The following SEPTIN2 variants were observed in gnomAD, a reference collection of about 807,000 sequenced individuals.
SEPTIN2 encodes the protein septin 2.
Under a neutral mutation model 46.5 loss-of-function variants are expected in SEPTIN2, and 34 were observed. That is an observed-to-expected ratio of 0.73 (90% confidence interval 0.56 to 0.97). SEPTIN2 has a LOEUF of 0.97. Among genes scored for constraint, SEPTIN2 ranks in the 50% least tolerant of loss-of-function variants. The probability of loss-of-function intolerance (pLI) is 0.00; values close to 1 mark genes in which losing one functional copy is unlikely to be tolerated. For missense variants in SEPTIN2, 347 were observed against 448.4 expected, an observed-to-expected ratio of 0.77 and a Z score of 2.04; for synonymous variants, 175 against 153.4, an observed-to-expected ratio of 1.14 and a Z score of -1.04.
At position 241,352,005 on chromosome 2, in the gene SEPTIN2, G is replaced by A. The variant is rs1401867652; in HGVS notation, c.*68G>A. 1 of 152,642 alleles carries A rather than the reference G, an allele frequency of 6.6e-6. No individual in the cohort carries two copies. The highest frequency in any genetic ancestry group is 1.5e-5 in the Non-Finnish European group (1 of 68,050). 9.5% of individuals were successfully genotyped at this position (152,642 alleles called of 1,614,324 possible). A position where few individuals can be genotyped will look rare whatever the true frequency, so the allele number is the denominator to read the frequency against. ...GGATAAAAAAGAAAACATTCCAGAT[G>A]CATGATCCAGCTGTGTGTTTTCAAT... is the stretch of plus-strand genomic sequence containing the variant. On this transcript the variant is annotated 3_prime_UTR_variant, in exon 13 of 13. Transcript: ENST00000391971.
rs529526455 is a variant in SEPTIN2, at chr2:241,318,970, A to G, written c.-18+2988A>G. ...CTTGGCCTCCCAAAATGCTGGGATT[A>G]CAGGCATGAGCTACCGCACCCAGCC... is the stretch of plus-strand genomic sequence containing the variant. On this transcript the variant is annotated intron_variant, in intron 1 of 12. Transcript: ENST00000391971. Among the ~76,000 whole-genome samples, 4 of 152,344 alleles carry G rather than the reference A, an allele frequency of 2.6e-5. No homozygotes were observed. The East Asian group carries it at 5.8e-4, about 22-fold the overall frequency.
Position 241,316,348 on chromosome 2 carries a change from A to G in SEPTIN2, c.-18+366A>G, listed in dbSNP as rs1246941364. The G allele has an allele frequency of 7.7e-6, 4 of 521,574 alleles. No homozygotes were observed. The East Asian group carries it at 1.5e-4, about 20-fold the overall frequency. 32.3% of individuals were successfully genotyped at this position (521,574 alleles called of 1,614,324 possible). A position where few individuals can be genotyped will look rare whatever the true frequency, so the allele number is the denominator to read the frequency against. On this transcript the variant is annotated intron_variant, in intron 1 of 12. Transcript: ENST00000391971. ...GGTTTGGTGCTTGGAGGGAGGATAC[A>G]GGTTTAGGCCCGACAAACACTTAGA...
At chr2:241,329,767 T>A (rs1484144841) in intron 3 of SEPTIN2, among the ~76,000 whole-genome samples, 1 of 152,192 alleles carries the variant, frequency 6.6e-6, no homozygotes, top group East Asian at 1.9e-4. Flanking sequence ...TTGTCCTGAT[T>A]GGCTAGCAAC....
chr2:241,331,341 AGTT>A (rs1408046449), intron 3 of SEPTIN2, among the ~76,000 whole-genome samples: 2 of 152,216 alleles, frequency 1.3e-5, no homozygotes, highest in Non-Finnish European at 2.9e-5. Context: ...TAAAATCTAA[AGTT>A]GTTAAGATCT....
chr2:241,341,482 G>A (rs1459505814), intron 7 of SEPTIN2, among the ~76,000 whole-genome samples: 1 of 152,208 alleles, frequency 6.6e-6, no homozygotes, highest in Non-Finnish European at 1.5e-5. Flanking sequence ...GGTTAGCATG[G>A]ATGGATAGTA....
chr2:241,318,087 G>A (rs2076631430), intron 1 of SEPTIN2: 1 of 149,854 alleles, frequency 6.7e-6, no homozygotes, highest in African/African-American at 2.5e-5. Flanking sequence ...AATAAATTAT[G>A]AGAGAAAACA....
intron 2 of SEPTIN2, 38 bp downstream of exon 2, chr2:241,324,279 A>G (rs1281428083): frequency 6.4e-7 from 1 of 1,571,768 alleles, no homozygotes; most frequent in Non-Finnish European, 8.7e-7. Context: ...CATAAGGAGA[A>G]ATTGCTTTAT....
chr2:241,353,927 A>G lies in SEPTIN2; in HGVS notation c.*1990A>G, dbSNP rs1272924260. The G allele has an allele frequency of 2.6e-5, 4 of 152,674 alleles. No individual in the cohort carries two copies. Among genetic ancestry groups the G allele is most frequent in the Admixed American group, 2.0e-4 (3 of 15,278 alleles). 9.5% of individuals were successfully genotyped at this position (152,674 alleles called of 1,614,324 possible). On this transcript the variant is annotated 3_prime_UTR_variant, in exon 13 of 13. Coordinates refer to ENST00000391971, the MANE Select transcript of SEPTIN2 (RefSeq NM_004404.5). ...GCTCTTTTACTAAGACATAGTCTCTACCTATAGAAATGTATTTTGAAAACA... is the reference window on the plus strand; with the variant it reads ...GCTCTTTTACTAAGACATAGTCTCTGCCTATAGAAATGTATTTTGAAAACA...
At chr2:241,350,987 A>C (rs146719983) in intron 12 of SEPTIN2, among the ~76,000 whole-genome samples, 2 of 152,322 alleles carry the variant, frequency 1.3e-5, no homozygotes, top group Non-Finnish European at 2.9e-5. Context: ...GGTAAAGGCA[A>C]ACAAACCTCA....
intron 1 of SEPTIN2, chr2:241,316,581 G>A (rs993546087): frequency 2.2e-5 from 32 of 1,477,358 alleles, no homozygotes; most frequent in African/African-American, 4.3e-5. Context: ...AGGGGGTAGG[G>A]TATAGGGTTG....
chr2:241,315,897 G>A (rs2076092565), upstream of SEPTIN2: 1 of 151,866 alleles, frequency 6.6e-6, no homozygotes, highest in Non-Finnish European at 1.5e-5. Flanking sequence ...GGGCGGGGCG[G>A]GCTGGGGCGG....
At chr2:241,340,516 C>G (rs948098129) in intron 7 of SEPTIN2, among the ~76,000 whole-genome samples, 4 of 152,074 alleles carry the variant, frequency 2.6e-5, no homozygotes, top group Admixed American at 1.3e-4. Flanking sequence ...GTATTTGAAC[C>G]TTTGAAGAAC....
In SEPTIN2 at chr2:241,319,820, C is replaced by T. The variant is rs139362905; in HGVS notation, c.-18+3838C>T. 5.6e-3 allele frequency among the ~76,000 whole-genome samples: 859 copies of T among 152,326 alleles called. 15 individuals carry two copies. The highest frequency in any genetic ancestry group is 0.019 in the African/African-American group (798 of 41,548). On this transcript the variant is annotated intron_variant, in intron 1 of 12. Transcript: ENST00000391971. ...TGTTGTCCAGACTGGTCTTGAACTC[C>T]TGAGCTCAAGCGCTCCTCCTGCCTC...
chr2:241,340,865 C>T (rs1349592806), intron 7 of SEPTIN2, among the ~76,000 whole-genome samples: 1 of 152,190 alleles, frequency 6.6e-6, no homozygotes, highest in Non-Finnish European at 1.5e-5. Flanking sequence ...CCTCTACTAG[C>T]TTCTTGCCTT....
intron 3 of SEPTIN2, among the ~76,000 whole-genome samples, 186 bp from the exon 4 acceptor site, chr2:241,334,940 G>A (rs1465980314): frequency 6.6e-6 from 1 of 152,072 alleles, no homozygotes; most frequent in Non-Finnish European, 1.5e-5. Flanking sequence ...TCTGACCTTG[G>A]GCAAATTAGA....
chr2:241,338,955 A>C (rs1383151705), intron 7 of SEPTIN2, among the ~76,000 whole-genome samples: 1 of 99,702 alleles, frequency 1.0e-5, no homozygotes, highest in African/African-American at 3.9e-5. Flanking sequence ...TTATATATAT[A>C]ATATATATTA....
chr2:241,335,296 T>A (rs2079760517), intron 4 of SEPTIN2, 84 bp downstream of exon 4: 1 of 1,566,216 alleles, frequency 6.4e-7, no homozygotes, highest in Non-Finnish European at 8.7e-7. Context: ...ATGTCTTAGC[T>A]GTGTGTTTTG....
Position 241,337,629 on chromosome 2 carries a change from A to G in SEPTIN2, c.477-44A>G, listed in dbSNP as rs1256729441. 5.7e-6 allele frequency: 9 copies of G among 1,585,552 alleles called. No homozygotes were observed. In the Admixed American group the frequency reaches 1.2e-4, roughly 21 times the overall value. On this transcript the variant is annotated intron_variant, in intron 6 of 12. Coordinates refer to ENST00000391971, the MANE Select transcript of SEPTIN2 (RefSeq NM_004404.5). ...ATAATTTGAGAGAGAAGAGTTTTGT[A>G]TGTATTTTTTTTAAATAAGTGACAA... is the stretch of plus-strand genomic sequence containing the variant.
At chr2:241,348,437 G>A (rs1021395354) in intron 11 of SEPTIN2, among the ~76,000 whole-genome samples, 2 of 152,048 alleles carry the variant, frequency 1.3e-5, no homozygotes, top group Admixed American at 1.3e-4. Context: ...CATCATGTTG[G>A]CCAGGCTGGT....
Sources: gnomAD v4.1 joint callset for allele counts (sites outside exome capture counted in the v4.1 genomes callset) on GRCh38, gnomAD v4.1.1 for gene constraint, MANE v1.5 for transcripts, NCBI Gene and HGNC (gene_info 2026-07-23, HGNC 2026-07-21) for gene names.